DNTTIP2: variants seen among roughly 807,000 people sequenced by gnomAD.
DNTTIP2 encodes deoxynucleotidyltransferase terminal-interacting protein 2.
A neutral mutation model predicts 62.4 loss-of-function variants in DNTTIP2; 47 were observed. The observed-to-expected ratio is 0.75, with a 90% CI of 0.60 to 0.96. The LOEUF is 0.96. Ranked by LOEUF, DNTTIP2 falls within the 40% of genes least tolerant of loss-of-function variation. The probability of loss-of-function intolerance (pLI) is 0.00; values close to 1 mark genes in which losing one functional copy is unlikely to be tolerated. For synonymous variants in DNTTIP2, 322 were observed against 300.9 expected, an observed-to-expected ratio of 1.07 and a Z score of -0.73; for missense variants, 870 against 849.1, an observed-to-expected ratio of 1.02 and a Z score of -0.31.
Position 93,876,746 on chromosome 1 carries a change from TACC to T in DNTTIP2, c.1186_1188del (p.Gly396del). On this transcript the variant is annotated inframe_deletion, in exon 2 of 7. Coordinates refer to ENST00000436063, the MANE Select transcript of DNTTIP2 (RefSeq NM_014597.5). ...ACTGTGGACTCTTCTTCATCATCAC[TACC>T]ACCACAATCACCAAACTTTGTCAAG... 1 of 1,614,024 alleles carries T rather than the reference TACC, an allele frequency of 6.2e-7. No homozygotes were observed. Among genetic ancestry groups the T allele is most frequent in the African/African-American group, 1.3e-5 (1 of 75,076 alleles).
Position 93,876,863 on chromosome 1 carries a change from C to G in DNTTIP2, c.1072G>C (p.Ala358Pro), listed in dbSNP as rs760557401. The G allele has an allele frequency of 5.0e-5, 80 of 1,613,846 alleles. No individual in the cohort carries two copies. The highest frequency in any genetic ancestry group is 6.6e-5 in the Non-Finnish European group (78 of 1,179,892). The change falls in exon 2 of 7, where the codon GCT (alanine) becomes CCT (proline). Residue 358 changes from alanine to proline, a missense_variant. By Grantham distance (27) the Ala-to-Pro change is conservative. Transcript: ENST00000436063. ...GTTTGAGTTAATGATTTCATTACAG[C>G]CTCAGAGTTCAGATTAGAGTGCACT... ...VSVHSNLNSE[A>P]VMKSLTQTFA... is the part of the protein sequence containing the mutation.
chr1:93,868,635 G>C lies in DNTTIP2; in HGVS notation c.*1216C>G, dbSNP rs1655776200. The C allele has an allele frequency of 6.6e-6, 1 of 152,162 alleles. No individual in the cohort carries two copies. The highest frequency in any genetic ancestry group is 6.5e-5 in the Admixed American group (1 of 15,278). The allele number at this position is 152,162 out of a possible 1,614,324, so 9.4% of individuals were successfully genotyped here. Reference sequence around the variant, plus strand: ...ATGATAGACTGGATAAAGAAAATGTGGCACATATACACCATGGAATACTAT... The same window carrying C: ...ATGATAGACTGGATAAAGAAAATGTCGCACATATACACCATGGAATACTAT... On this transcript the variant is annotated 3_prime_UTR_variant, in exon 7 of 7. Transcript: ENST00000436063.
In DNTTIP2 at chr1:93,876,460, T is replaced by C. The variant is rs1244923245; in HGVS notation, c.1475A>G (p.Asp492Gly). 1 of 1,613,828 alleles carries C rather than the reference T, an allele frequency of 6.2e-7. No homozygotes were observed. The highest frequency in any genetic ancestry group is 8.5e-7 in the Non-Finnish European group (1 of 1,179,890). ...LSCDNALFVIDTTPGMSADKN... is the reference protein window; with the variant it reads ...LSCDNALFVIGTTPGMSADKN... ...ATCAGCACTCATTCCAGGAGTTGTG[T>C]CAATTACAAACAATGCATTGTCACA... Residue 492 changes from aspartate to glycine, a missense_variant, in exon 2 of 7, where the codon GAC becomes GGC. Asp to Gly is a moderately conservative substitution (Grantham distance 94). Transcript: ENST00000436063.
intron 5 of DNTTIP2, chr1:93,871,133 C>T (rs1269741356): frequency 1.2e-5 from 2 of 163,576 alleles, no homozygotes; most frequent in Non-Finnish European, 1.3e-5. Flanking sequence ...CTACTACATA[C>T]CTATTTGGTT....
In DNTTIP2 at chr1:93,869,824, A is replaced by G. The variant is rs759234121; in HGVS notation, c.*27T>C. The stretch of plus-strand genomic sequence containing the variant: ...TAATAAGTAAATAAAGGAGCAATGT[A>G]AAATGTTGCAGTTTGCTTGGTAAAT... On this transcript the variant is annotated 3_prime_UTR_variant, in exon 7 of 7. Transcript: ENST00000436063. 1.5e-5 allele frequency: 12 copies of G among 776,886 alleles called. No individual in the cohort carries two copies. Among genetic ancestry groups the G allele is most frequent in the South Asian group, 1.5e-4 (11 of 74,106 alleles). 48.1% of individuals were successfully genotyped at this position (776,886 alleles called of 1,614,324 possible). A position where few individuals can be genotyped will look rare whatever the true frequency, so the allele number is the denominator to read the frequency against.
intron 2 of DNTTIP2, 56 bp from the exon 3 acceptor site, chr1:93,875,839 T>C (rs553865698): frequency 2.8e-5 from 42 of 1,521,718 alleles, no homozygotes; most frequent in African/African-American, 2.4e-4. Context: ...TGGAAACATA[T>C]AAGATGGCAT....
At chr1:93,878,252 C>A (rs566563606) in intron 1 of DNTTIP2, among the ~76,000 whole-genome samples, 39 of 152,126 alleles carry the variant, frequency 2.6e-4, no homozygotes, top group Non-Finnish European at 4.9e-4. Flanking sequence ...TGCAGTGAGC[C>A]GAGGCTGCGC....
rs1454519028 is a variant in DNTTIP2 at position 93,877,399 on chromosome 1, T to C, written c.536A>G (p.His179Arg). 6.2e-7 allele frequency: 1 copy of C among 1,612,144 alleles called. No individual in the cohort carries two copies. Among genetic ancestry groups the C allele is most frequent in the Non-Finnish European group, 8.5e-7 (1 of 1,178,468 alleles). Residue 179 changes from histidine (H) to arginine (R), a missense_variant, in exon 2 of 7, where the codon CAT becomes CGT. Coordinates refer to ENST00000436063, the MANE Select transcript of DNTTIP2 (RefSeq NM_014597.5). ...CTCAGCATCAGATATAGCTTCTGTATGAGATTCTTGGCTTGGATCTGTCAG... is the reference window on the plus strand; with the variant it reads ...CTCAGCATCAGATATAGCTTCTGTACGAGATTCTTGGCTTGGATCTGTCAG... Reference protein sequence around the residue: ...KSLTDPSQESHTEAISDAETS... With the variant: ...KSLTDPSQESRTEAISDAETS...
chr1:93,873,604 C>A (rs1053786289), intron 3 of DNTTIP2, among the ~76,000 whole-genome samples: 1 of 146,346 alleles, frequency 6.8e-6, no homozygotes, highest in Non-Finnish European at 1.5e-5. Context: ...CTGTCTCCCC[C>A]CAAACCCAGC....
At position 93,877,764 on chromosome 1, in the gene DNTTIP2, T is replaced by C. The variant is rs367566209; in HGVS notation, c.171A>G (p.Leu57=). ...AESQTTGKQS[L]IPRTPKARKR... ...TTCTAGCTTTAGGAGTTCTAGGGATTAAACTTTGCTTCCCAGTGGTCTGTG... is the reference window on the plus strand; with the variant it reads ...TTCTAGCTTTAGGAGTTCTAGGGATCAAACTTTGCTTCCCAGTGGTCTGTG... The change falls in exon 2 of 7, where the codon TTA becomes TTG. Residue 57 remains leucine (L), a synonymous_variant. Transcript: ENST00000436063. 1 of 1,612,820 alleles carries C rather than the reference T, an allele frequency of 6.2e-7. No homozygotes were observed. Among genetic ancestry groups the C allele is most frequent in the Non-Finnish European group, 8.5e-7 (1 of 1,179,886 alleles).
chr1:93,876,814 C>A lies in DNTTIP2; in HGVS notation c.1121G>T (p.Arg374Ile), dbSNP rs370534962. Residue 374 changes from arginine to isoleucine, a missense_variant, in exon 2 of 7, where the codon AGA (arginine) becomes ATA (isoleucine). Arg to Ile is a moderately conservative substitution (Grantham distance 97, BLOSUM62 -3). Coordinates refer to ENST00000436063, the MANE Select transcript of DNTTIP2 (RefSeq NM_014597.5). ...TQTFATVEVG[R>I]WNNNKKSPIK... ...GGGGCTCTTTTTGTTGTTATTCCAT[C>A]TGCCTACTTCCACAGTTGCAAATGT... 2.8e-5 allele frequency: 45 copies of A among 1,613,880 alleles called. No individual in the cohort carries two copies. Among genetic ancestry groups the A allele is most frequent in the Non-Finnish European group, 3.7e-5 (44 of 1,179,894 alleles).
At chr1:93,879,001 G>A in intron 1 of DNTTIP2, 76 bp downstream of exon 1, 1 of 1,571,246 alleles carries the variant, frequency 6.4e-7, no homozygotes. Context: ...ACCCTTAACC[G>A]GACCCTTGCG....
In DNTTIP2 at chr1:93,875,793, A is replaced by G; in HGVS notation, c.1668-10T>C. ...GCTTGTCAACTTCAGACTGAAAAAG[A>G]AATCATCACTTAAAGATCAAGTAAT... On this transcript the variant is annotated splice_polypyrimidine_tract_variant and intron_variant, in intron 2 of 6. Transcript: ENST00000436063. 1 of 1,603,224 alleles carries G rather than the reference A, an allele frequency of 6.2e-7. No individual in the cohort carries two copies.
Position 93,867,944 on chromosome 1 carries a change from T to G in DNTTIP2, c.*1907A>C, listed in dbSNP as rs1655761897. 3.3e-5 allele frequency: 5 copies of G among 152,134 alleles called. No homozygotes were observed. The highest frequency in any genetic ancestry group is 3.3e-4 in the Admixed American group (5 of 15,264). 9.4% of individuals were successfully genotyped at this position (152,134 alleles called of 1,614,324 possible). The stretch of plus-strand genomic sequence containing the variant: ...AAATATGAGATTTTGGACATAGGTA[T>G]GGGCAGACTGCATGACTAAAACACC... On this transcript the variant is annotated 3_prime_UTR_variant, in exon 7 of 7. Coordinates refer to ENST00000436063, the MANE Select transcript of DNTTIP2 (RefSeq NM_014597.5).
In DNTTIP2 at chr1:93,876,528, A is replaced by G; in HGVS notation, c.1407T>C (p.Ser469=). Residue 469 remains serine, a synonymous_variant, in exon 2 of 7, where the codon AGT becomes AGC. Transcript: ENST00000436063. ...EEDTLCFVEN[S]GQRESLSGDT... ...CTCCACTTAATGACTCCCTTTGGCC[A>G]CTATTTTCAACAAAACATAAAGTAT... The G allele has an allele frequency of 4.3e-6, 7 of 1,613,986 alleles. No individual in the cohort carries two copies. The highest frequency in any genetic ancestry group is 1.1e-5 in the South Asian group (1 of 91,084).
In DNTTIP2 at chr1:93,867,613, T is replaced by C. The variant is rs1199435196; in HGVS notation, c.*2238A>G. 2.0e-5 allele frequency: 3 copies of C among 150,852 alleles called. No individual in the cohort carries two copies. Among genetic ancestry groups the C allele is most frequent in the Non-Finnish European group, 2.9e-5 (2 of 67,846 alleles). 9.3% of individuals were successfully genotyped at this position (150,852 alleles called of 1,614,324 possible). On this transcript the variant is annotated 3_prime_UTR_variant, in exon 7 of 7. Transcript: ENST00000436063. ...AAAAAAAAAGTTCCAGTAGGTGAAC[T>C]GAGTTTAGTGACACAGGCCAAAGTC... is the stretch of plus-strand genomic sequence containing the variant.
Position 93,876,773 on chromosome 1 carries a change from A to C in DNTTIP2, c.1162T>G (p.Leu388Val). The change falls in exon 2 of 7, where the codon TTG becomes GTG. Residue 388 changes from leucine to valine, a missense_variant. Transcript: ENST00000436063. ...CCACCACAATCACCAAACTTTGTCA[A>C]GTCACTTGCTTTTATGGGGCTCTTT... ...NKKSPIKASD[L>V]TKFGDCGGSD... 2 of 1,613,960 alleles carry C rather than the reference A, an allele frequency of 1.2e-6. No individual in the cohort carries two copies. The highest frequency in any genetic ancestry group is 1.7e-6 in the Non-Finnish European group (2 of 1,179,882).
At chr1:93,870,145 CTATCCATA>C (rs898191268) in intron 6 of DNTTIP2, among the ~76,000 whole-genome samples, 1 of 152,154 alleles carries the variant, frequency 6.6e-6, no homozygotes, top group Non-Finnish European at 1.5e-5. Context: ...ATCCATCTAT[CTATCCATA>C]TATCCATATA....
In DNTTIP2 at chr1:93,877,455, AG is replaced by A. The variant is rs748216371; in HGVS notation, c.479del (p.Thr160IlefsTer12). On this transcript the variant is annotated frameshift_variant, in exon 2 of 7. Coordinates refer to ENST00000436063, the MANE Select transcript of DNTTIP2 (RefSeq NM_014597.5). LOFTEE classifies it high-confidence loss of function. The stretch of plus-strand genomic sequence containing the variant: ...TAGCCTTACTTCTTCTGGCTCCTGT[AG>A]TTTTTTCTGTAGGAAGCACAATTCT... The part of the protein sequence containing the change: ...ISRIVLPTEK[T>X]TGARRSKAKS... 4 of 1,613,860 alleles carry A rather than the reference AG, an allele frequency of 2.5e-6. No individual in the cohort carries two copies. The highest frequency in any genetic ancestry group is 1.7e-6 in the Non-Finnish European group (2 of 1,179,872).
Sources: gnomAD v4.1 joint callset for allele counts (sites outside exome capture counted in the v4.1 genomes callset) on GRCh38, gnomAD v4.1.1 for gene constraint, MANE v1.5 for transcripts, NCBI Gene and HGNC (gene_info 2026-07-23, HGNC 2026-07-21) for gene names.